Variants in KLK7 observed in about 807,000 individuals in gnomAD.
KLK7 encodes the protein kallikrein related peptidase 7, also known as kallikrein-7.
A neutral mutation model predicts 21.0 loss-of-function variants in KLK7; 17 were observed. That is an observed-to-expected ratio of 0.81 (90% CI 0.55 to 1.21). The LOEUF is 1.21. Ranked by LOEUF, KLK7 falls within the 50% of genes most tolerant of loss-of-function variation. The pLI, the probability that KLK7 is intolerant of heterozygous loss-of-function variation, is 0.00. For missense variants in KLK7, 330 were observed against 322.8 expected (o/e 1.02, Z -0.17); for synonymous variants, 151 against 134.6 (o/e 1.12, Z -0.85).
At chr19:50,977,730 A>G in intron 5 of KLK7, 39 bp from the exon 6 acceptor site, 1 of 1,598,134 alleles carries the variant, frequency 6.3e-7, no homozygotes, top group Non-Finnish European at 8.6e-7. Flanking sequence ...TTGGCTTCAG[A>G]TCAAAGCCCA....
chr19:50,978,727 C>T lies in KLK7; in HGVS notation c.607-1036G>A, dbSNP rs111212209. Among the ~76,000 whole-genome samples the T allele has an allele frequency of 9.3e-5, 12 of 128,438 alleles. No individual in the cohort carries two copies. In the East Asian group the frequency reaches 1.2e-3, roughly 13 times the overall value. 84.3% of individuals were successfully genotyped at this position (128,438 alleles called of 152,430 possible). ...AGAAAGAAAGACAGAGATGGGGGAGCGGCAGGGAGAGGAGAGAGATAGAAG... is the reference window on the plus strand; with the variant it reads ...AGAAAGAAAGACAGAGATGGGGGAGTGGCAGGGAGAGGAGAGAGATAGAAG... On this transcript the variant is annotated intron_variant, in intron 5 of 5. Transcript: ENST00000595820.
chr19:50,981,027 A>T (rs12611266), intron 3 of KLK7, among the ~76,000 whole-genome samples: 1 of 137,094 alleles, frequency 7.3e-6, no homozygotes, highest in Admixed American at 7.0e-5. Flanking sequence ...ACAGAGATCC[A>T]GAGAGAGAGG....
intron 5 of KLK7, 137 bp downstream of exon 5, chr19:50,979,651 G>A: frequency 1.2e-6 from 1 of 803,172 alleles, no homozygotes; most frequent in Non-Finnish European, 2.0e-6. Context: ...AGAATGAGGT[G>A]GAAAAAGCTG....
chr19:50,980,573 G>T (rs767746354), intron 3 of KLK7, 86 bp from the exon 4 acceptor site: 3 of 1,538,304 alleles, frequency 2.0e-6, no homozygotes, highest in Non-Finnish European at 2.7e-6. Context: ...TGGGGACAGA[G>T]ACCCAGAGAG....
chr19:50,983,916 TC>T lies in KLK7; in HGVS notation c.-125del. The T allele has an allele frequency of 1.6e-6, 2 of 1,289,044 alleles. No individual in the cohort carries two copies. The allele number at this position is 1,289,044 out of a possible 1,614,324, so 79.9% of individuals were successfully genotyped here. On this transcript the variant is annotated 5_prime_UTR_variant, in exon 1 of 6. Transcript: ENST00000595820. ...GGCACACAGCTGGGCTCCAAAATCT[TC>T]ATCCCTCTGCTGGGCCGTCCTCTTA...
At chr19:50,980,812 G>A (rs1600111066) in intron 3 of KLK7, among the ~76,000 whole-genome samples, 1 of 121,308 alleles carries the variant, frequency 8.2e-6, no homozygotes. Flanking sequence ...AGAGGAGAGG[G>A]GACAGAGACC....
chr19:50,980,000 C>A, intron 4 of KLK7, 76 bp from the exon 5 acceptor site: 1 of 1,513,062 alleles, frequency 6.6e-7, no homozygotes, highest in Non-Finnish European at 8.9e-7. Context: ...GTTCAGGCTC[C>A]TGGTTCCGAG....
Position 50,982,370 on chromosome 19 carries a change from C to T in KLK7, c.30G>A (p.Gln10=). 6.2e-7 allele frequency: 1 copy of T among 1,610,036 alleles called. No individual in the cohort carries two copies. Among genetic ancestry groups the T allele is most frequent in the Non-Finnish European group, 8.5e-7 (1 of 1,178,338 alleles). ...CCAAGGCTAAGGATAGCAGTAAGATCTGCAGGGGCAGGAGAAGGGATCTTG... is the reference window on the plus strand; with the variant it reads ...CCAAGGCTAAGGATAGCAGTAAGATTTGCAGGGGCAGGAGAAGGGATCTTG... MARSLLLPL[Q]ILLLSLALET... is the part of the protein sequence containing the mutation. Residue 10 remains glutamine (Q), a synonymous_variant, in exon 2 of 6, where the codon CAG becomes CAA. Coordinates refer to ENST00000595820, the MANE Select transcript of KLK7 (RefSeq NM_005046.4).
chr19:50,981,973 C>A, intron 2 of KLK7, 59 bp from the exon 3 acceptor site: 1 of 1,547,404 alleles, frequency 6.5e-7, no homozygotes, highest in South Asian at 1.2e-5. Flanking sequence ...GCTGAGGCTG[C>A]ACCTCAGGGA....
In KLK7 at chr19:50,981,778, G is replaced by T; in HGVS notation, c.210C>A (p.His70Gln). 1 of 1,576,074 alleles carries T rather than the reference G, an allele frequency of 6.3e-7. No individual in the cohort carries two copies. Among genetic ancestry groups the T allele is most frequent in the Non-Finnish European group, 8.6e-7 (1 of 1,161,298 alleles). Residue 70 changes from histidine (H) to glutamine (Q), a missense_variant, in exon 3 of 6, where the codon CAC becomes CAA. Physicochemically the swap from His to Gln is conservative, Grantham distance 24. Coordinates refer to ENST00000595820, the MANE Select transcript of KLK7 (RefSeq NM_005046.4). ...VNERWVLTAA[H>Q]CKMNEYTVHL... ...TGGGCGGCACCTACTTCATCTTGCA[G>T]TGGGCGGCAGTGAGCACCCAGCGCT...
At position 50,977,391 on chromosome 19, in the gene KLK7, T is replaced by C. The variant is rs2091045568; in HGVS notation, c.*145A>G. On this transcript the variant is annotated 3_prime_UTR_variant, in exon 6 of 6. Transcript: ENST00000595820. ...TTTTGGTTTTAGGTCTTTACCAATT[T>C]GATTGGTTTATCAACAGGGCATGAG... The C allele has an allele frequency of 1.3e-6, 1 of 780,896 alleles. No homozygotes were observed. Among genetic ancestry groups the C allele is most frequent in the Admixed American group, 2.5e-5 (1 of 39,644 alleles). The allele number at this position is 780,896 out of a possible 1,614,324, so 48.4% of individuals were successfully genotyped here.
At chr19:50,983,994 C>T, upstream of KLK7, 1 of 1,190,816 alleles carries the variant, frequency 8.4e-7, no homozygotes, top group Non-Finnish European at 1.1e-6. Context: ...GCAGGCGGAG[C>T]CGACTCTGGG....
At position 50,980,246 on chromosome 19, in the gene KLK7, G is replaced by A; in HGVS notation, c.463C>T (p.Pro155Ser). 6.2e-7 allele frequency: 1 copy of A among 1,613,826 alleles called. No individual in the cohort carries two copies. Among genetic ancestry groups the A allele is most frequent in the South Asian group, 1.1e-5 (1 of 91,062 alleles). Residue 155 changes from proline (P) to serine (S), a missense_variant, in exon 4 of 6, where the codon CCA (proline) becomes TCA (serine). Transcript: ENST00000595820. ...GGTCACTGAGGCCACCTACCATCTG[G>A]GCTCGTGGTAGTGCCCCAGCCGGAG... ...TVSGWGTTTS[P>S]DVTFPSDLMC...
rs768252949 is a variant in KLK7, at chr19:50,977,545, C to T, written c.753G>A (p.Lys251=). 3 of 1,613,702 alleles carry T rather than the reference C, an allele frequency of 1.9e-6. No homozygotes were observed. Among genetic ancestry groups the T allele is most frequent in the Admixed American group, 1.7e-5 (1 of 60,010 alleles). Residue 251 remains lysine, a synonymous_variant, in exon 6 of 6, where the codon AAG becomes AAA. Coordinates refer to ENST00000595820, the MANE Select transcript of KLK7 (RefSeq NM_005046.4). ...TTAACTCAGTGTGGCGTTAGCGATG[C>T]TTTTTCATGGTGTCATTTATCCACT... is the stretch of plus-strand genomic sequence containing the variant. The part of the protein sequence containing the change: ...FTKWINDTMK[K]HR
chr19:50,981,697 C>G, intron 3 of KLK7, 70 bp downstream of exon 3: 1 of 1,410,516 alleles, frequency 7.1e-7, no homozygotes, highest in East Asian at 2.5e-5. Context: ...CACAGAAAGA[C>G]TGCCCTTCCA....
intron 3 of KLK7, 112 bp from the exon 4 acceptor site, chr19:50,980,599 GAC>G: frequency 1.6e-6 from 2 of 1,282,550 alleles, no homozygotes; most frequent in Non-Finnish European, 2.2e-6. Flanking sequence ...GGGGGACAGA[GAC>G]ACAGAGAGAG....
chr19:50,983,722 C>G (rs2091109530), intron 1 of KLK7, 129 bp downstream of exon 1: 1 of 1,188,318 alleles, frequency 8.4e-7, no homozygotes, highest in Non-Finnish European at 1.1e-6. Context: ...AAATTGCAGA[C>G]TTCCAGGCCC....
intron 4 of KLK7, 137 bp downstream of exon 4, chr19:50,980,103 T>A (rs2091065655): frequency 8.5e-7 from 1 of 1,171,212 alleles, no homozygotes; most frequent in Non-Finnish European, 1.2e-6. Flanking sequence ...GCTGGGGGCC[T>A]GGACTCCTGG....
chr19:50,977,963 T>C (rs984230123), intron 5 of KLK7, among the ~76,000 whole-genome samples: 2 of 152,002 alleles, frequency 1.3e-5, no homozygotes, highest in African/African-American at 4.8e-5. Context: ...TATTTTCCAA[T>C]GTTAAGGACC....
Sources: allele counts gnomAD v4.1 joint callset (sites outside exome capture counted in the v4.1 genomes callset), GRCh38; gene constraint gnomAD v4.1.1; transcripts MANE v1.5; gene names NCBI Gene and HGNC (gene_info 2026-07-23, HGNC 2026-07-21).